Variants in TLN2 observed in about 807,000 individuals in gnomAD.
The protein encoded by TLN2 is talin-2.
A neutral mutation model predicts 294.7 loss-of-function variants in TLN2; 118 were observed. The ratio of observed to expected loss-of-function variants is 0.40; its 90% CI spans 0.34 to 0.47. The LOEUF is 0.47. Among genes scored for constraint, TLN2 ranks in the 20% least tolerant of loss-of-function variants. The pLI, the probability that TLN2 is intolerant of heterozygous loss-of-function variation, is 0.84. For missense variants in TLN2, 3,083 were observed against 3,282.2 expected, an observed-to-expected ratio of 0.94 and a Z score of 1.48; for synonymous variants, 1,431 against 1,304.5, an observed-to-expected ratio of 1.10 and a Z score of -2.09.
At chr15:62,749,113 C>T (rs184282458) in intron 33 of TLN2, among the ~76,000 whole-genome samples, 5 of 152,298 alleles carry the variant, frequency 3.3e-5, no homozygotes, top group Admixed American at 1.3e-4. Context: ...AGATGCCAGA[C>T]GAGTATCTCA....
At chr15:62,775,407 A>G (rs1248656973) in intron 42 of TLN2, among the ~76,000 whole-genome samples, 1 of 152,130 alleles carries the variant, frequency 6.6e-6, no homozygotes, top group African/African-American at 2.4e-5. Flanking sequence ...GTGTTTTACC[A>G]TGTCTGTGCC....
intron 32 of TLN2, among the ~76,000 whole-genome samples, chr15:62,743,627 C>T (rs1056757650): frequency 6.6e-6 from 1 of 152,136 alleles, no homozygotes; most frequent in Non-Finnish European, 1.5e-5. Flanking sequence ...CCCTTTGTCA[C>T]CCATTCATCA....
At chr15:62,812,681 TGAGGTGTTG>T (rs544581163) in intron 52 of TLN2, among the ~76,000 whole-genome samples, 71 of 152,202 alleles carry the variant, frequency 4.7e-4, no homozygotes, top group Non-Finnish European at 9.3e-4. Flanking sequence ...TATCCGGGAA[TGAGGTGTTG>T]GATCTGCTCA....
In TLN2 at chr15:62,748,417, G is replaced by A. The variant is rs533453719; in HGVS notation, c.4092G>A (p.Glu1364=). The A allele has an allele frequency of 2.5e-6, 4 of 1,613,990 alleles. No individual in the cohort carries two copies. In the South Asian group the frequency reaches 3.3e-5, roughly 13 times the overall value. ...LCTQQAPGQK[E]CDNALRELET... is the part of the protein sequence containing the mutation. ...CCCAACAAGCTCCGGGCCAGAAAGA[G>A]TGCGATAATGCCCTGCGGGAGCTCG... Residue 1364 remains glutamate (E), a synonymous_variant, in exon 33 of 59, where the codon GAG becomes GAA. Coordinates refer to ENST00000636159, the MANE Select transcript of TLN2 (RefSeq NM_015059.3).
intron 45 of TLN2, among the ~76,000 whole-genome samples, chr15:62,791,575 G>T (rs994454932): frequency 3.3e-5 from 5 of 152,172 alleles, no homozygotes; most frequent in African/African-American, 4.8e-5. Context: ...TGTGACTAAT[G>T]AGATGGTATT....
intron 27 of TLN2, among the ~76,000 whole-genome samples, chr15:62,725,568 T>C (rs1028841939): frequency 8.5e-5 from 13 of 152,230 alleles, no homozygotes; most frequent in Non-Finnish European, 1.8e-4. Context: ...TGTCAGAGTT[T>C]TGTTGGCTAA....
chr15:62,539,991 C>A (rs561626776), intron 1 of TLN2, among the ~76,000 whole-genome samples: 4 of 151,866 alleles, frequency 2.6e-5, no homozygotes, highest in Admixed American at 2.6e-4. Flanking sequence ...ACTTACACTA[C>A]AATAAATAAA....
chr15:62,470,302 G>A (rs902350432), intron 1 of TLN2, among the ~76,000 whole-genome samples: 3 of 152,198 alleles, frequency 2.0e-5, no homozygotes, highest in East Asian at 1.9e-4. Context: ...ACAGTCAACC[G>A]ACCCGGGCTC....
chr15:62,621,415 A>G (rs1484559914), intron 3 of TLN2, among the ~76,000 whole-genome samples: 1 of 152,206 alleles, frequency 6.6e-6, no homozygotes, highest in Non-Finnish European at 1.5e-5. Context: ...CAAGAAAAAG[A>G]GCATCTTTCA....
At chr15:62,460,541 G>A (rs1375782859) in intron 1 of TLN2, among the ~76,000 whole-genome samples, 2 of 152,156 alleles carry the variant, frequency 1.3e-5, no homozygotes, top group Admixed American at 6.5e-5. Context: ...GGGATTACAG[G>A]TGTGAGCCAC....
chr15:62,764,680 G>A (rs753607037), intron 40 of TLN2, among the ~76,000 whole-genome samples: 11 of 152,040 alleles, frequency 7.2e-5, no homozygotes, highest in Non-Finnish European at 1.6e-4. Context: ...GAGGCCAGGC[G>A]CTGTGGCTCA....
intron 1 of TLN2, among the ~76,000 whole-genome samples, chr15:62,576,868 C>T (rs1181608376): frequency 1.3e-5 from 2 of 152,068 alleles, no homozygotes; most frequent in Admixed American, 1.3e-4. Flanking sequence ...CCTTGCTGTC[C>T]CGTGAGAGCA....
chr15:62,640,102 G>A, intron 3 of TLN2: 1 of 452,500 alleles, frequency 2.2e-6, no homozygotes, highest in South Asian at 1.6e-5. Flanking sequence ...CAAGACCCTG[G>A]CTTTGGCATT....
At chr15:62,815,086 G>C (rs2066992556) in intron 52 of TLN2, among the ~76,000 whole-genome samples, 1 of 151,922 alleles carries the variant, frequency 6.6e-6, no homozygotes, top group Admixed American at 6.6e-5. Context: ...TTTTGGGGTA[G>C]AAGAAAAGAA....
At chr15:62,674,107 G>A (rs1209616649) in intron 10 of TLN2, among the ~76,000 whole-genome samples, 1 of 152,178 alleles carries the variant, frequency 6.6e-6, no homozygotes, top group Admixed American at 6.5e-5. Flanking sequence ...TAGCCCTTCT[G>A]AGAAAAATGT....
chr15:62,785,728 A>G (rs1346513322), intron 45 of TLN2, among the ~76,000 whole-genome samples: 1 of 151,666 alleles, frequency 6.6e-6, no homozygotes, highest in African/African-American at 2.4e-5. Context: ...TTAAAAATGG[A>G]ATCTACCACC....
chr15:62,637,382 G>A (rs1375365320), intron 3 of TLN2: 1 of 152,180 alleles, frequency 6.6e-6, no homozygotes, highest in Non-Finnish European at 1.5e-5. Context: ...AGGACTGAAA[G>A]GTAGACTCCA....
intron 1 of TLN2, among the ~76,000 whole-genome samples, chr15:62,422,331 C>G (rs1310223720): frequency 6.6e-6 from 1 of 150,762 alleles, no homozygotes; most frequent in Non-Finnish European, 1.5e-5. Flanking sequence ...GTTTAAAGTG[C>G]AGATGTCGTG....
intron 1 of TLN2, among the ~76,000 whole-genome samples, chr15:62,571,931 G>A (rs12905414): frequency 0.28 from 43,177 of 152,054 alleles, 6,648 homozygotes; most frequent in East Asian, 0.48. Flanking sequence ...GGTCTATCCT[G>A]TAAGGCCTCT....
Sources: gnomAD v4.1 joint callset for allele counts (sites outside exome capture counted in the v4.1 genomes callset) on GRCh38, gnomAD v4.1.1 for gene constraint, MANE v1.5 for transcripts, NCBI Gene and HGNC (gene_info 2026-07-23, HGNC 2026-07-21) for gene names.